Variants in NDST3 observed in about 807,000 individuals in gnomAD.
NDST3 encodes the protein bifunctional heparan sulfate N-deacetylase/N-sulfotransferase 3.
Under a neutral mutation model 96.1 loss-of-function variants are expected in NDST3, and 58 were observed. The ratio of observed to expected loss-of-function variants is 0.60; its 90% CI spans 0.49 to 0.75. The LOEUF (loss-of-function observed/expected upper bound fraction) is 0.75. Ranked by LOEUF, NDST3 falls within the 30% of genes least tolerant of loss-of-function variation. The pLI is 0.00. For missense variants in NDST3, 788 were observed against 1,034.2 expected, an observed-to-expected ratio of 0.76 and a Z score of 3.27; for synonymous variants, 333 against 359.7, an observed-to-expected ratio of 0.93 and a Z score of 0.84.
At chr4:118,189,834 T>C (rs1737188495) in intron 6 of NDST3, among the ~76,000 whole-genome samples, 1 of 152,174 alleles carries the variant, frequency 6.6e-6, no homozygotes, top group Non-Finnish European at 1.5e-5. Flanking sequence ...TTTAGATTAC[T>C]GTATTATCAA....
intron 3 of NDST3, among the ~76,000 whole-genome samples, chr4:118,107,069 T>C (rs10025979): frequency 0.03 from 4,596 of 152,022 alleles, 262 homozygotes; most frequent in African/African-American, 0.1. Context: ...CAGCCTGGGC[T>C]ACAGAGCGAG....
intron 6 of NDST3, among the ~76,000 whole-genome samples, chr4:118,200,172 G>A (rs1044318876): frequency 7.2e-5 from 11 of 152,198 alleles, no homozygotes; most frequent in African/African-American, 2.4e-4. Context: ...GGGTCCAGAG[G>A]TGCCATTCAG....
In NDST3 at chr4:118,246,730, G is replaced by C. The variant is rs546405856; in HGVS notation, c.2399+4581G>C. Among the ~76,000 whole-genome samples, 11 of 152,294 alleles carry C rather than the reference G, an allele frequency of 7.2e-5. No homozygotes were observed. The South Asian group carries it at 2.3e-3, about 32-fold the overall frequency. ...CAACTCTTCACAAGGAGGCAGAAGA[G>C]AGAATGAATACCAGCAGCGGAAATG... On this transcript the variant is annotated intron_variant, in intron 12 of 13. Coordinates refer to ENST00000296499, the MANE Select transcript of NDST3 (RefSeq NM_004784.3).
rs1739915952 is a variant in NDST3, at chr4:118,226,869, G to A, written c.1723-17G>A. On this transcript the variant is annotated splice_polypyrimidine_tract_variant and intron_variant, in intron 7 of 13. Coordinates refer to ENST00000296499, the MANE Select transcript of NDST3 (RefSeq NM_004784.3). ...TTCATGAAAAAAAATACATCTCTATGTTCTTCTCCCATTTAGAATCCTTGC... is the reference window on the plus strand; with the variant it reads ...TTCATGAAAAAAAATACATCTCTATATTCTTCTCCCATTTAGAATCCTTGC... The A allele has an allele frequency of 6.3e-7, 1 of 1,579,660 alleles. No individual in the cohort carries two copies. The highest frequency in any genetic ancestry group is 8.7e-7 in the Non-Finnish European group (1 of 1,154,434).
At chr4:118,162,481 G>C (rs1305671062) in intron 6 of NDST3, among the ~76,000 whole-genome samples, 1 of 151,854 alleles carries the variant, frequency 6.6e-6, no homozygotes, top group Non-Finnish European at 1.5e-5. Context: ...AAAAACCTGA[G>C]AAAAACAAGC....
chr4:118,051,003 G>A (rs1186247719), intron 1 of NDST3, among the ~76,000 whole-genome samples: 1 of 152,068 alleles, frequency 6.6e-6, no homozygotes, highest in Admixed American at 6.6e-5. Flanking sequence ...AAACAGCATG[G>A]TACTGGTACA....
chr4:118,074,046 A>G (rs145567001), intron 2 of NDST3, among the ~76,000 whole-genome samples: 212 of 152,272 alleles, frequency 1.4e-3, no homozygotes, highest in African/African-American at 4.9e-3. Context: ...GAAGTCATTC[A>G]GGAGTAGGTT....
chr4:118,073,365 G>T (rs1727241753), intron 2 of NDST3, among the ~76,000 whole-genome samples: 1 of 151,974 alleles, frequency 6.6e-6, no homozygotes, highest in African/African-American at 2.4e-5. Flanking sequence ...GCTTTTCCTG[G>T]TTGGTAGGCT....
chr4:118,221,385 T>C (rs1340114939), intron 6 of NDST3, among the ~76,000 whole-genome samples: 1 of 152,082 alleles, frequency 6.6e-6, no homozygotes, highest in East Asian at 1.9e-4. Context: ...AGCGTGGTCA[T>C]GAAAGGCATA....
intron 6 of NDST3, chr4:118,193,268 C>T (rs1666510318): frequency 2.8e-6 from 1 of 351,836 alleles, no homozygotes; most frequent in Non-Finnish European, 5.3e-6. Context: ...TCCCCCTTCC[C>T]CCTAAAGCCA....
At chr4:118,155,041 T>C (rs576945880) in intron 6 of NDST3, among the ~76,000 whole-genome samples, 7 of 152,226 alleles carry the variant, frequency 4.6e-5, no homozygotes, top group Non-Finnish European at 7.3e-5. Flanking sequence ...GAACTACGAA[T>C]AAAGAACTAT....
At chr4:118,224,851 C>G (rs891474337) in intron 7 of NDST3, among the ~76,000 whole-genome samples, 178 bp downstream of exon 7, 11 of 152,144 alleles carry the variant, frequency 7.2e-5, no homozygotes, top group Non-Finnish European at 1.5e-4. Context: ...ATATTGCACC[C>G]AATTCCCTGT....
chr4:118,048,288 G>A (rs1421441603), intron 1 of NDST3, among the ~76,000 whole-genome samples: 1 of 152,010 alleles, frequency 6.6e-6, no homozygotes, highest in Non-Finnish European at 1.5e-5. Context: ...TAAGCACACA[G>A]CCTGCAGGCA....
At chr4:118,080,223 A>G (rs1193671144) in intron 2 of NDST3, among the ~76,000 whole-genome samples, 1 of 152,120 alleles carries the variant, frequency 6.6e-6, no homozygotes, top group Non-Finnish European at 1.5e-5. Context: ...GGGAGCAAGA[A>G]TTCTCTTCTA....
chr4:118,171,909 AG>A (rs1174673317), intron 6 of NDST3, among the ~76,000 whole-genome samples: 2 of 152,184 alleles, frequency 1.3e-5, no homozygotes, highest in African/African-American at 4.8e-5. Context: ...TAAGCAACGT[AG>A]GTGTCCTGGG....
chr4:118,087,393 G>C (rs373040002), intron 2 of NDST3, among the ~76,000 whole-genome samples: 14 of 152,078 alleles, frequency 9.2e-5, no homozygotes, highest in African/African-American at 3.1e-4. Context: ...CTGATAAAAA[G>C]AATCCTGGAA....
At chr4:118,179,085 C>G (rs1051645520) in intron 6 of NDST3, among the ~76,000 whole-genome samples, 7 of 151,964 alleles carry the variant, frequency 4.6e-5, no homozygotes, top group Admixed American at 2.0e-4. Context: ...AGGCAATAAA[C>G]CTGTCTGACT....
At chr4:118,141,368 T>C (rs913548568) in intron 5 of NDST3, among the ~76,000 whole-genome samples, 1 of 152,100 alleles carries the variant, frequency 6.6e-6, no homozygotes, top group Non-Finnish European at 1.5e-5. Flanking sequence ...AGCAAGGCAG[T>C]GGAATATGAC....
intron 6 of NDST3, among the ~76,000 whole-genome samples, chr4:118,212,273 T>C (rs529356855): frequency 7.2e-5 from 11 of 152,356 alleles, no homozygotes; most frequent in Non-Finnish European, 7.3e-5. Flanking sequence ...CCAGGCCTCA[T>C]GCCTGTAATC....
Sources: gnomAD v4.1 joint callset for allele counts (sites outside exome capture counted in the v4.1 genomes callset) on GRCh38, gnomAD v4.1.1 for gene constraint, MANE v1.5 for transcripts, NCBI Gene and HGNC (gene_info 2026-07-23, HGNC 2026-07-21) for gene names.